CDH2: variants seen among roughly 807,000 people sequenced by gnomAD.
The protein encoded by CDH2 is cadherin 2.
A neutral mutation model predicts 92.0 loss-of-function variants in CDH2; 17 were observed. The ratio of observed to expected loss-of-function variants is 0.18; its 90% confidence interval spans 0.13 to 0.28. The LOEUF (loss-of-function observed/expected upper bound fraction) is 0.28, where lower values mean the gene tolerates loss of function less well. CDH2 is among the 10% of genes least tolerant of loss of function. CDH2 has a pLI of 1.00. For missense variants in CDH2, 862 were observed against 1,133.1 expected, an observed-to-expected ratio of 0.76 and a Z score of 3.44; for synonymous variants, 419 against 415.9, an observed-to-expected ratio of 1.01 and a Z score of -0.09.
chr18:27,958,418 C>T (rs1328174532), intron 15 of CDH2, among the ~76,000 whole-genome samples: 2 of 151,562 alleles, frequency 1.3e-5, no homozygotes, highest in Non-Finnish European at 2.9e-5. Flanking sequence ...GAGAAATATA[C>T]TTCATATACT....
intron 1 of CDH2, among the ~76,000 whole-genome samples, chr18:28,155,254 C>T (rs1462843108): frequency 6.6e-6 from 1 of 152,046 alleles, no homozygotes; most frequent in East Asian, 1.9e-4. Context: ...CTCATCTGTG[C>T]TTCAGCTTCC....
chr18:28,072,476 C>G lies in CDH2; in HGVS notation c.173-58567G>C, dbSNP rs976570033. 2.0e-5 allele frequency among the ~76,000 whole-genome samples: 3 copies of G among 152,270 alleles called. No individual in the cohort carries two copies. In the East Asian group the frequency reaches 5.8e-4, roughly 29 times the overall value. ...AGTTGTTCTCTGTCCTTTTCCTTAC[C>G]ACCATCTGTAATCATGCACTTGTTA... On this transcript the variant is annotated intron_variant, in intron 2 of 15. Transcript: ENST00000269141.
At chr18:28,034,604 T>A (rs2013779294) in intron 2 of CDH2, among the ~76,000 whole-genome samples, 1 of 152,042 alleles carries the variant, frequency 6.6e-6, no homozygotes, top group Non-Finnish European at 1.5e-5. Context: ...TAGGCCTTAA[T>A]GAATTTTAAT....
intron 14 of CDH2, among the ~76,000 whole-genome samples, chr18:27,978,647 T>C (rs2011934505): frequency 6.6e-6 from 1 of 151,902 alleles, no homozygotes; most frequent in South Asian, 2.1e-4. Context: ...GTAGACATTT[T>C]ATTTTCTCAT....
At chr18:27,938,260 C>A (rs1053568815) in intron 6 of CDH2, among the ~76,000 whole-genome samples, 2 of 152,152 alleles carry the variant, frequency 1.3e-5, no homozygotes, top group South Asian at 2.1e-4. Context: ...GAACCGTGAA[C>A]CAGTTAAACT....
chr18:28,013,676 A>G lies in CDH2; in HGVS notation c.399+7T>C. 6.2e-7 allele frequency: 1 copy of G among 1,602,750 alleles called. No individual in the cohort carries two copies. ...ACCAGCCCTAAAGCCATATTCGGATACTATACCTTCACTGACTCCTCAGTT... is the reference window on the plus strand; with the variant it reads ...ACCAGCCCTAAAGCCATATTCGGATGCTATACCTTCACTGACTCCTCAGTT... On this transcript the variant is annotated splice_region_variant and intron_variant, in intron 3 of 15. Coordinates refer to ENST00000269141, the MANE Select transcript of CDH2 (RefSeq NM_001792.5).
intron 2 of CDH2, among the ~76,000 whole-genome samples, chr18:28,030,352 A>C (rs778793145): frequency 1.9e-4 from 29 of 152,096 alleles, no homozygotes; most frequent in Non-Finnish European, 2.9e-5. Flanking sequence ...TTTTAAAAAA[A>C]TGTAGGGATA....
intron 1 of CDH2, among the ~76,000 whole-genome samples, chr18:28,169,318 C>T (rs1031714953): frequency 1.3e-5 from 2 of 152,028 alleles, no homozygotes; most frequent in African/African-American, 4.8e-5. Flanking sequence ...ATCCTTACAA[C>T]CTTTAACGAA....
intron 7 of CDH2, among the ~76,000 whole-genome samples, chr18:27,996,182 C>G (rs981104619): frequency 1.1e-4 from 17 of 152,152 alleles, no homozygotes; most frequent in Non-Finnish European, 2.5e-4. Flanking sequence ...TACCCCACAC[C>G]TGGAGCTGTT....
intron 2 of CDH2, among the ~76,000 whole-genome samples, chr18:28,077,949 A>C (rs1182496963): frequency 6.6e-6 from 1 of 151,600 alleles, no homozygotes; most frequent in African/African-American, 2.4e-5. Context: ...CATCATTAAC[A>C]TTTAAGCTTT....
rs530943047 is a variant in CDH2, at chr18:28,131,530, A to G, written c.172+16143T>C. The stretch of plus-strand genomic sequence containing the variant: ...TTTTATATTAAGATCTGACCTAGAA[A>G]AAGCCCTTGATTTTTTTCCTGTACT... On this transcript the variant is annotated intron_variant, in intron 2 of 15. Transcript: ENST00000269141. 2.0e-5 allele frequency among the ~76,000 whole-genome samples: 3 copies of G among 152,322 alleles called. No individual in the cohort carries two copies. In the South Asian group the frequency reaches 6.2e-4, roughly 32 times the overall value.
Position 27,985,528 on chromosome 18 carries a change from C to T in CDH2, c.1975G>A (p.Gly659Ser). 1 of 1,591,932 alleles carries T rather than the reference C, an allele frequency of 6.3e-7. No homozygotes were observed. The highest frequency in any genetic ancestry group is 1.1e-5 in the South Asian group (1 of 90,502). The change falls in exon 12 of 16, where the codon GGT becomes AGT. Residue 659 changes from glycine to serine, a missense_variant and splice_region_variant. By Grantham distance (56) the Gly-to-Ser change is moderately conservative. Transcript: ENST00000269141. ...KRNWTITRLN[G>S]DFAQLNLKIK... is the part of the protein sequence containing the mutation. ...ATTCAAATAATTAACCTGTTCTTACCATTAAGCCGAGTGATGGTCCAATTT... is the reference window on the plus strand; with the variant it reads ...ATTCAAATAATTAACCTGTTCTTACTATTAAGCCGAGTGATGGTCCAATTT...
At chr18:28,148,553 G>A (rs570783084) in intron 1 of CDH2, among the ~76,000 whole-genome samples, 8 of 152,256 alleles carry the variant, frequency 5.3e-5, no homozygotes, top group African/African-American at 1.9e-4. Context: ...CACAATTGGA[G>A]GACAGTCAGC....
Position 28,106,992 on chromosome 18 carries a change from T to C in CDH2, c.172+40681A>G, listed in dbSNP as rs144401220. The stretch of plus-strand genomic sequence containing the variant: ...AACTGGGCATTCATTACCAATTCCA[T>C]GAATATTTTGTGAGATGATGAGAAA... On this transcript the variant is annotated intron_variant, in intron 2 of 15. Coordinates refer to ENST00000269141, the MANE Select transcript of CDH2 (RefSeq NM_001792.5). 3.7e-3 allele frequency among the ~76,000 whole-genome samples: 565 copies of C among 152,200 alleles called. 4 individuals are homozygous for C. The highest frequency in any genetic ancestry group is 0.013 in the African/African-American group (537 of 41,538).
At chr18:28,099,463 A>G (rs544784790) in intron 2 of CDH2, among the ~76,000 whole-genome samples, 1 of 152,190 alleles carries the variant, frequency 6.6e-6, no homozygotes, top group Non-Finnish European at 1.5e-5. Flanking sequence ...CTTACATTTT[A>G]TGTTTGTAGT....
intron 7 of CDH2, among the ~76,000 whole-genome samples, chr18:28,001,689 G>A (rs553596469): frequency 5.5e-4 from 84 of 152,280 alleles, no homozygotes; most frequent in Non-Finnish European, 1.1e-3. Flanking sequence ...ATGCCTACAA[G>A]TCAATAGGTA....
At chr18:28,097,389 A>T (rs1428495842) in intron 2 of CDH2, among the ~76,000 whole-genome samples, 1 of 127,342 alleles carries the variant, frequency 7.9e-6, no homozygotes, top group African/African-American at 3.0e-5. Flanking sequence ...AAAAAAAAAA[A>T]ATGGAACTCA....
intron 2 of CDH2, among the ~76,000 whole-genome samples, chr18:28,123,816 AC>A (rs2015631264): frequency 6.6e-6 from 1 of 152,164 alleles, no homozygotes; most frequent in African/African-American, 2.4e-5. Context: ...GCCCTGGTTC[AC>A]TGAAGAAGGA....
rs2012364706 is a variant in CDH2 at position 27,990,142 on chromosome 18, G to A, written c.1553C>T (p.Thr518Ile). The A allele has an allele frequency of 4.3e-6, 7 of 1,613,882 alleles. No individual in the cohort carries two copies. In the East Asian group the frequency reaches 6.7e-5, roughly 15 times the overall value. Residue 518 changes from threonine (T) to isoleucine (I), a missense_variant, in exon 10 of 16, where the codon ACA (threonine) becomes ATA (isoleucine). Thr to Ile is a moderately conservative substitution (Grantham distance 89, BLOSUM62 -1). Coordinates refer to ENST00000269141, the MANE Select transcript of CDH2 (RefSeq NM_001792.5). ...TCGATCTGGGTCCTGAGCAGTGAAT[G>A]TTGTCAACATGGTACCGGCATGAAG... ...EGLHAGTMLT[T>I]FTAQDPDRYM...
Sources: gnomAD v4.1 joint callset for allele counts (sites outside exome capture counted in the v4.1 genomes callset) on GRCh38, gnomAD v4.1.1 for gene constraint, MANE v1.5 for transcripts, NCBI Gene and HGNC (gene_info 2026-07-23, HGNC 2026-07-21) for gene names.